The following HDX variants were observed in gnomAD, a reference collection of about 807,000 sequenced individuals.
The protein encoded by HDX is highly divergent homeobox, also known as chromosome X open reading frame 43.
Under a neutral mutation model 45.2 loss-of-function variants are expected in HDX, and 19 were observed. That is an observed-to-expected ratio of 0.42 (90% CI 0.29 to 0.62). HDX has a LOEUF of 0.62. Ranked by LOEUF, HDX falls within the 20% of genes least tolerant of loss-of-function variation. HDX has a pLI of 0.20. For missense variants in HDX, 532 were observed against 493.9 expected (o/e 1.08, Z -0.73); for synonymous variants, 188 against 172.8 (o/e 1.09, Z -0.69).
rs1198261183 is a variant in HDX at position 84,469,622 on chromosome X, C to T, written c.148-47G>A. On this transcript the variant is annotated intron_variant, in intron 3 of 10. Transcript: ENST00000373177. ...TTATGAAAAAAAAATTAAAAACAAA[C>T]GAAGAAAAAACAAATTTTACGTGGT... 7 of 1,061,728 alleles carry T rather than the reference C, an allele frequency of 6.6e-6. No individual in the cohort carries two copies. The East Asian group carries it at 9.4e-5, about 14-fold the overall frequency. The allele number at this position is 1,061,728 out of a possible 1,213,427, so 87.5% of individuals were successfully genotyped here.
At chrX:84,367,479 G>C (rs1419606111) in intron 5 of HDX, among the ~76,000 whole-genome samples, 1 of 111,980 alleles carries the variant, frequency 8.9e-6, no homozygotes, top group Non-Finnish European at 1.9e-5. Context: ...AATACCATTT[G>C]ACCCAGCAAT....
At chrX:84,357,405 A>T (rs2037512846) in intron 6 of HDX, among the ~76,000 whole-genome samples, 1 of 111,975 alleles carries the variant, frequency 8.9e-6, no homozygotes, top group Non-Finnish European at 1.9e-5. Flanking sequence ...CAAAAGCATA[A>T]ATTAAGTAAA....
At chrX:84,340,126 G>A (rs1277556822) in intron 7 of HDX, among the ~76,000 whole-genome samples, 1 of 110,707 alleles carries the variant, frequency 9.0e-6, no homozygotes, top group African/African-American at 3.3e-5. Context: ...GAGGTGGAAG[G>A]TGGAAGTTAG....
At chrX:84,451,838 G>A (rs2040005397) in intron 4 of HDX, among the ~76,000 whole-genome samples, 1 of 111,534 alleles carries the variant, frequency 9.0e-6, no homozygotes, top group African/African-American at 3.3e-5. Context: ...ATGATCAAGT[G>A]GAATTCTTCC....
intron 5 of HDX, among the ~76,000 whole-genome samples, chrX:84,425,615 A>G (rs976148770): frequency 1.2e-4 from 14 of 112,052 alleles, no homozygotes; most frequent in Admixed American, 1.2e-3. Context: ...AAAATGAAAT[A>G]CTATTCAGTA....
chrX:84,385,196 CTTTTTTTTTTTTTTTTTTT>C (rs146043472), intron 5 of HDX, among the ~76,000 whole-genome samples: 2 of 29,528 alleles, frequency 6.8e-5, no homozygotes, highest in African/African-American at 1.6e-4. Context: ...TCTCTGATTT[CTTTTTTTTTTTTTTTTTTT>C]TTTTTTTTTT....
chrX:84,496,777 A>C (rs2041009144), intron 1 of HDX, among the ~76,000 whole-genome samples: 1 of 112,018 alleles, frequency 8.9e-6, no homozygotes, highest in South Asian at 3.7e-4. Context: ...ATGAGGAGTC[A>C]GGACTGAGCA....
At chrX:84,485,943 A>G (rs1277222259) in intron 2 of HDX, among the ~76,000 whole-genome samples, 4 of 111,837 alleles carry the variant, frequency 3.6e-5, no homozygotes, top group Non-Finnish European at 7.5e-5. Context: ...TCTTTTATAT[A>G]AAGTGGATTT....
In HDX at chrX:84,500,650, A is replaced by G. The variant is rs780274844; in HGVS notation, c.-110+1692T>C. ...TTTGAGTTGAGTTTCCAAAGTGGGT[A>G]AGATGTGAATTATGTAGAAGGAGGA... On this transcript the variant is annotated intron_variant, in intron 1 of 10. Coordinates refer to ENST00000373177, the MANE Select transcript of HDX (RefSeq NM_001177479.2). 8.1e-5 allele frequency among the ~76,000 whole-genome samples: 9 copies of G among 111,521 alleles called. No homozygotes were observed. In the East Asian group the frequency reaches 2.3e-3, roughly 28 times the overall value.
At chrX:84,376,007 A>C (rs568745866) in intron 5 of HDX, among the ~76,000 whole-genome samples, 168 of 112,731 alleles carry the variant, frequency 1.5e-3, no homozygotes, top group African/African-American at 5.1e-3. Flanking sequence ...ACAAGATGGC[A>C]GAATAGAAGG....
chrX:84,427,282 T>C (rs1488794730), intron 5 of HDX, among the ~76,000 whole-genome samples: 1 of 110,788 alleles, frequency 9.0e-6, no homozygotes, highest in African/African-American at 3.3e-5. Context: ...ATAATTGAAT[T>C]AGGAATCGCT....
At position 84,371,829 on chromosome X, in the gene HDX, A is replaced by G. The variant is rs150910277; in HGVS notation, c.1306-10217T>C. ...GTGGGGGCCTAGTACCCTGCTGCGA[A>G]GTTCTAGAATTGAACAGCAATCTGC... On this transcript the variant is annotated intron_variant, in intron 5 of 10. Coordinates refer to ENST00000373177, the MANE Select transcript of HDX (RefSeq NM_001177479.2). Among the ~76,000 whole-genome samples, 309 of 111,603 alleles carry G rather than the reference A, an allele frequency of 2.8e-3. 1 individual carries two copies. The highest frequency in any genetic ancestry group is 9.8e-3 in the African/African-American group (300 of 30,720).
intron 2 of HDX, among the ~76,000 whole-genome samples, chrX:84,481,747 T>C (rs1345695507): frequency 9.0e-6 from 1 of 111,049 alleles, no homozygotes; most frequent in Non-Finnish European, 1.9e-5. Flanking sequence ...AGGATGTATA[T>C]ATGAAGGTTT....
In HDX at chrX:84,344,465, A is replaced by G. The variant is rs758438049; in HGVS notation, c.1453-8T>C. The G allele has an allele frequency of 8.7e-6, 10 of 1,149,250 alleles. No individual in the cohort carries two copies. Among genetic ancestry groups the G allele is most frequent in the Non-Finnish European group, 1.2e-5 (10 of 841,293 alleles). 94.7% of individuals were successfully genotyped at this position (1,149,250 alleles called of 1,213,427 possible). ...TCGATTCCCAATCCAAGTCTTTATAAGAGAAATATAGGAGGAATTTTTGTA... is the reference window on the plus strand; with the variant it reads ...TCGATTCCCAATCCAAGTCTTTATAGGAGAAATATAGGAGGAATTTTTGTA... On this transcript the variant is annotated splice_region_variant and splice_polypyrimidine_tract_variant and intron_variant, in intron 6 of 10. Transcript: ENST00000373177.
intron 3 of HDX, 25 bp from the exon 4 acceptor site, chrX:84,469,600 T>A: frequency 9.0e-7 from 1 of 1,111,653 alleles, no homozygotes; most frequent in Non-Finnish European, 1.2e-6. Context: ...CATGGTATTA[T>A]GAAAAAAAAA....
At chrX:84,488,187 CG>C (rs1203954008) in intron 1 of HDX, 55 bp from the exon 2 acceptor site, 1 of 111,014 alleles carries the variant, frequency 9.0e-6, no homozygotes, top group Non-Finnish European at 1.9e-5. Flanking sequence ...TGGTCAGAAT[CG>C]GAAGTCTAGC....
In HDX at chrX:84,461,513, A is replaced by T. The variant is rs79512060; in HGVS notation, c.1251+6959T>A. 1.7e-3 allele frequency among the ~76,000 whole-genome samples: 166 copies of T among 99,564 alleles called. 1 individual carries two copies. The highest frequency in any genetic ancestry group is 4.8e-3 in the Middle Eastern group (1 of 207). The allele number at this position is 99,564 out of a possible 115,157, so 86.5% of individuals were successfully genotyped here. On this transcript the variant is annotated intron_variant, in intron 4 of 10. Coordinates refer to ENST00000373177, the MANE Select transcript of HDX (RefSeq NM_001177479.2). ...GACCCCCATCTCTCACTATATAATT[A>T]AAAAAAAAAGTATTAAAAACAAATC...
rs1311500363 is a variant in HDX, at chrX:84,357,072, G to A, written c.1452+4394C>T. ...TTGTCATGGCACAAGGTACTTATTA[G>A]TACCAGAGGCATGATGAAGTTTTTT... On this transcript the variant is annotated intron_variant, in intron 6 of 10. Coordinates refer to ENST00000373177, the MANE Select transcript of HDX (RefSeq NM_001177479.2). Among the ~76,000 whole-genome samples the A allele has an allele frequency of 2.7e-5, 3 of 111,469 alleles. No homozygotes were observed. In the East Asian group the frequency reaches 8.4e-4, roughly 31 times the overall value.
In HDX at chrX:84,502,381, C is replaced by T. The variant is rs1251978005; in HGVS notation, c.-149G>A. ...GGTTACGAAAGGAATCAGCGGAACC[C>T]AGATCAGGCCGCTGCTGGGGCAGGC... On this transcript the variant is annotated 5_prime_UTR_variant, in exon 1 of 11. Coordinates refer to ENST00000373177, the MANE Select transcript of HDX (RefSeq NM_001177479.2). 9.0e-6 allele frequency: 1 copy of T among 111,639 alleles called. No homozygotes were observed. The highest frequency in any genetic ancestry group is 1.9e-5 in the Non-Finnish European group (1 of 53,129). 9.2% of individuals were successfully genotyped at this position (111,639 alleles called of 1,213,427 possible).
Sources: gnomAD v4.1 joint callset for allele counts (sites outside exome capture counted in the v4.1 genomes callset) on GRCh38, gnomAD v4.1.1 for gene constraint, MANE v1.5 for transcripts, NCBI Gene and HGNC (gene_info 2026-07-23, HGNC 2026-07-21) for gene names.